Variants in RASGEF1C observed in about 807,000 individuals in gnomAD.
The protein encoded by RASGEF1C is ras-GEF domain-containing family member 1C.
RASGEF1C carries 27 observed loss-of-function variants against 58.1 expected under a neutral mutation model. The observed-to-expected ratio is 0.46, with a 90% CI of 0.34 to 0.64. RASGEF1C has a LOEUF of 0.64. Ranked by LOEUF, RASGEF1C falls within the 30% of genes least tolerant of loss-of-function variation. The probability of loss-of-function intolerance (pLI) is 0.01; values close to 1 mark genes in which losing one functional copy is unlikely to be tolerated. For missense variants in RASGEF1C, 502 were observed against 605.1 expected, an observed-to-expected ratio of 0.83 and a Z score of 1.79; for synonymous variants, 243 against 246.3, an observed-to-expected ratio of 0.99 and a Z score of 0.13.
intron 1 of RASGEF1C, among the ~76,000 whole-genome samples, chr5:180,141,016 A>G (rs1766569578): frequency 6.6e-6 from 1 of 152,230 alleles, no homozygotes; most frequent in Non-Finnish European, 1.5e-5. Flanking sequence ...ACAGCCATGT[A>G]ACGAGGGTCC....
chr5:180,151,487 A>C (rs1367203411), intron 1 of RASGEF1C, among the ~76,000 whole-genome samples: 1 of 152,236 alleles, frequency 6.6e-6, no homozygotes, highest in Non-Finnish European at 1.5e-5. Flanking sequence ...CTATTTAATA[A>C]ATGGTGCTGG....
intron 1 of RASGEF1C, among the ~76,000 whole-genome samples, chr5:180,178,864 G>T (rs1439710758): frequency 7.9e-5 from 12 of 152,042 alleles, no homozygotes; most frequent in African/African-American, 2.9e-4. Context: ...GGGGACAGCT[G>T]GTCTAAAATT....
intron 6 of RASGEF1C, among the ~76,000 whole-genome samples, chr5:180,121,874 G>T (rs1766183261): frequency 6.6e-6 from 1 of 152,178 alleles, no homozygotes. Flanking sequence ...CACACGCTCA[G>T]ACTTGGCCTA....
intron 1 of RASGEF1C, among the ~76,000 whole-genome samples, chr5:180,187,170 A>C (rs1056934114): frequency 2.0e-5 from 3 of 152,158 alleles, no homozygotes; most frequent in Admixed American, 1.3e-4. Context: ...TAATTCAATG[A>C]GGGAAAAAAC....
chr5:180,192,351 A>G (rs1756178871), intron 1 of RASGEF1C, among the ~76,000 whole-genome samples: 2 of 152,186 alleles, frequency 1.3e-5, no homozygotes, highest in African/African-American at 4.8e-5. Flanking sequence ...TGCCGGATGA[A>G]AGCGGAGGGA....
intron 12 of RASGEF1C, among the ~76,000 whole-genome samples, chr5:180,105,576 A>T (rs1159379523): frequency 1.5e-5 from 2 of 137,034 alleles, no homozygotes; most frequent in South Asian, 4.8e-4. Flanking sequence ...AAAAAAAAAG[A>T]AGTAAAATAG....
intron 12 of RASGEF1C, among the ~76,000 whole-genome samples, chr5:180,109,583 G>T (rs553394432): frequency 1.3e-5 from 2 of 152,298 alleles, no homozygotes; most frequent in East Asian, 3.9e-4. Context: ...TTAAATGAAG[G>T]ATCTGGAGAT....
chr5:180,121,605 G>A (rs1005329991), intron 6 of RASGEF1C, among the ~76,000 whole-genome samples: 127 of 151,562 alleles, frequency 8.4e-4, no homozygotes, highest in Middle Eastern at 3.4e-3. Context: ...GAGCCACTGC[G>A]CCCGGCTAAA....
rs571643336 is a variant in RASGEF1C at position 180,195,743 on chromosome 5, C to G, written c.-7+13285G>C. Among the ~76,000 whole-genome samples, 3 of 150,294 alleles carry G rather than the reference C, an allele frequency of 2.0e-5. No homozygotes were observed. In the East Asian group the frequency reaches 5.9e-4, roughly 30 times the overall value. Reference sequence around the variant, plus strand: ...CACCACTACTGCACTCCAGCCTGGGCGACAGAGCGAGACTCCGTCTCAAAA... The same window carrying G: ...CACCACTACTGCACTCCAGCCTGGGGGACAGAGCGAGACTCCGTCTCAAAA... On this transcript the variant is annotated intron_variant, in intron 1 of 13. Transcript: ENST00000361132.
At chr5:180,170,553 C>G (rs931443048) in intron 1 of RASGEF1C, among the ~76,000 whole-genome samples, 1 of 152,178 alleles carries the variant, frequency 6.6e-6, no homozygotes. Flanking sequence ...CCTCGCCTGT[C>G]CCCGCGGAGC....
At chr5:180,206,026 T>G (rs1756481503) in intron 1 of RASGEF1C, among the ~76,000 whole-genome samples, 1 of 152,226 alleles carries the variant, frequency 6.6e-6, no homozygotes, top group South Asian at 2.1e-4. Flanking sequence ...TGAGCCACTG[T>G]GCCAGGCCCT....
In RASGEF1C at chr5:180,119,381, T is replaced by C. The variant is rs748670202; in HGVS notation, c.872A>G (p.Asn291Ser). Reference sequence around the variant, plus strand: ...CATGAGGGAGTTGAAGTTGCCGATGTTGAAGCACTCGCGGGCCACGTCGAT... The same window carrying C: ...CATGAGGGAGTTGAAGTTGCCGATGCTGAAGCACTCGCGGGCCACGTCGAT... ...FFIDVARECF[N>S]IGNFNSLMAI... The change falls in exon 8 of 14, where the codon AAC (asparagine) becomes AGC (serine). Residue 291 changes from asparagine to serine, a missense_variant. Asn to Ser is a conservative substitution (Grantham distance 46). Transcript: ENST00000361132. The C allele has an allele frequency of 3.1e-6, 5 of 1,614,178 alleles. No individual in the cohort carries two copies. The highest frequency in any genetic ancestry group is 2.7e-5 in the African/African-American group (2 of 75,062).
intron 6 of RASGEF1C, among the ~76,000 whole-genome samples, chr5:180,124,171 G>A (rs543447572): frequency 7.9e-4 from 120 of 151,838 alleles, no homozygotes; most frequent in Non-Finnish European, 1.5e-3. Flanking sequence ...GGCAGAGCTC[G>A]CAGTGAGCCG....
rs559326203 is a variant in RASGEF1C at position 180,168,080 on chromosome 5, A to C, written c.-6-30022T>G. On this transcript the variant is annotated intron_variant, in intron 1 of 13. Transcript: ENST00000361132. This position sits in a 1 kb window ranked among gnomAD's most constrained non-coding sequence, Gnocchi z 6.0. The stretch of plus-strand genomic sequence containing the variant: ...AATGCCATGCTCCTGCAGCTTAAGG[A>C]TAAGCCCAGGAATTAATAAACAACT... Among the ~76,000 whole-genome samples the C allele has an allele frequency of 1.5e-3, 232 of 152,316 alleles. 2 individuals are homozygous for C. The highest frequency in any genetic ancestry group is 5.1e-3 in the African/African-American group (214 of 41,564).
At chr5:180,207,254 T>C (rs1756504891) in intron 1 of RASGEF1C, among the ~76,000 whole-genome samples, 1 of 152,170 alleles carries the variant, frequency 6.6e-6, no homozygotes, top group African/African-American at 2.4e-5. Context: ...GCTAAGTAAA[T>C]GATGAAATAT....
chr5:180,158,302 G>A lies in RASGEF1C; in HGVS notation c.-6-20244C>T, dbSNP rs1223893622. ...AGAGATTCCTTCTCCTTTATGTGTT[G>A]GGCTCCCGTCTCCTGTATTTAAAGT... On this transcript the variant is annotated intron_variant, in intron 1 of 13. Transcript: ENST00000361132. This position sits in a 1 kb window ranked among gnomAD's most constrained non-coding sequence, Gnocchi z 4.0. 6.6e-6 allele frequency among the ~76,000 whole-genome samples: 1 copy of A among 152,028 alleles called. No individual in the cohort carries two copies. The highest frequency in any genetic ancestry group is 1.9e-4 in the East Asian group (1 of 5,182).
Position 180,137,676 on chromosome 5 carries a change from G to T in RASGEF1C, c.214C>A (p.Leu72Ile), listed in dbSNP as rs758645435. ...YIFTFLLSSR[L>I]FIEPRELLAR... ...AGGAGCTCCCGGGGCTCGATGAAGA[G>T]GCGAGAGCTCAGCAGGAAGGTGAAG... The change falls in exon 3 of 14, where the codon CTC becomes ATC. Residue 72 changes from leucine to isoleucine, a missense_variant. Physicochemically the swap from Leu to Ile is conservative, Grantham distance 5. Transcript: ENST00000361132. This position sits in a 1 kb window ranked among gnomAD's most constrained non-coding sequence, Gnocchi z 4.1. 1.9e-6 allele frequency: 3 copies of T among 1,613,012 alleles called. No homozygotes were observed. In the South Asian group the frequency reaches 3.3e-5, roughly 18 times the overall value.
chr5:180,177,902 G>A lies in RASGEF1C; in HGVS notation c.-7+31126C>T, dbSNP rs1284340145. 2.0e-5 allele frequency among the ~76,000 whole-genome samples: 3 copies of A among 152,058 alleles called. No homozygotes were observed. Among genetic ancestry groups the A allele is most frequent in the Non-Finnish European group, 4.4e-5 (3 of 68,016 alleles). ...AAGGGGCCCACATGGAGGAAACGGA[G>A]CCAAGACTCACAGAGACCGAGACCA... On this transcript the variant is annotated intron_variant, in intron 1 of 13. Coordinates refer to ENST00000361132, the MANE Select transcript of RASGEF1C (RefSeq NM_175062.4). The surrounding 1 kb of genome is among the most constrained non-coding windows in gnomAD (Gnocchi z 5.0).
At chr5:180,103,492 G>A (rs985677990) in intron 12 of RASGEF1C, among the ~76,000 whole-genome samples, 4 of 152,026 alleles carry the variant, frequency 2.6e-5, no homozygotes, top group African/African-American at 7.3e-5. Flanking sequence ...GCGTGCACAT[G>A]TTTATTGCTC....
Sources: allele counts gnomAD v4.1 joint callset (sites outside exome capture counted in the v4.1 genomes callset), GRCh38; gene constraint gnomAD v4.1.1; non-coding constraint Gnocchi (gnomAD v3.1); transcripts MANE v1.5; gene names NCBI Gene and HGNC (gene_info 2026-07-23, HGNC 2026-07-21).